GSE1: variants seen among roughly 807,000 people sequenced by gnomAD.
The protein encoded by GSE1 is genetic suppressor element 1.
Under a neutral mutation model 112.6 loss-of-function variants are expected in GSE1, and 32 were observed. The observed-to-expected ratio is 0.28, with a 90% CI of 0.21 to 0.38. GSE1 has a LOEUF of 0.38. GSE1 is among the 10% of genes least tolerant of loss of function. GSE1 has a pLI of 1.00. For missense variants in GSE1, 2,348 were observed against 1,699.2 expected, an observed-to-expected ratio of 1.38 and a Z score of -6.71; for synonymous variants, 1,115 against 735.6, an observed-to-expected ratio of 1.52 and a Z score of -8.35.
chr16:85,345,944 T>C, intron 1 of GSE1, among the ~76,000 whole-genome samples: 1 of 151,034 alleles, frequency 6.6e-6, no homozygotes. Flanking sequence ...GATAGATAGA[T>C]GGTGGACACA....
chr16:85,578,138 A>G (rs1205344801), intron 1 of GSE1, among the ~76,000 whole-genome samples: 2 of 152,228 alleles, frequency 1.3e-5, no homozygotes, highest in Admixed American at 1.3e-4. Context: ...AGCAGGCTGG[A>G]GGAGATTGGC....
At chr16:85,573,451 G>A (rs917890602) in intron 1 of GSE1, among the ~76,000 whole-genome samples, 1 of 152,170 alleles carries the variant, frequency 6.6e-6, no homozygotes, top group African/African-American at 2.4e-5. Flanking sequence ...TTGTGTGTCT[G>A]TATGTTTTCA....
intron 1 of GSE1, among the ~76,000 whole-genome samples, chr16:85,276,199 G>A (rs980703573): frequency 6.6e-6 from 1 of 152,252 alleles, no homozygotes; most frequent in Non-Finnish European, 1.5e-5. Flanking sequence ...GCCTTGCGGC[G>A]CAGCTGGAAG....
chr16:85,400,001 ACAG>A (rs1298141949), intron 2 of GSE1, among the ~76,000 whole-genome samples: 2 of 152,324 alleles, frequency 1.3e-5, no homozygotes, highest in Non-Finnish European at 2.9e-5. Flanking sequence ...CACTGGGCGC[ACAG>A]CAGCCCCTGA....
chr16:85,259,817 A>G (rs34111594), intron 1 of GSE1, among the ~76,000 whole-genome samples: 21,854 of 152,166 alleles, frequency 0.14, 1,665 homozygotes, highest in African/African-American at 0.17. Flanking sequence ...CGCATGGGGC[A>G]TGGCACTGAG....
chr16:85,172,698 C>T (rs1052531638), intron 1 of GSE1, among the ~76,000 whole-genome samples: 51 of 152,216 alleles, frequency 3.4e-4, no homozygotes, highest in African/African-American at 1.2e-3. Context: ...TTTAATCAAA[C>T]GCCTGTAGTG....
chr16:85,553,861 G>C (rs2045061555), upstream of GSE1, among the ~76,000 whole-genome samples: 1 of 152,190 alleles, frequency 6.6e-6, no homozygotes. Flanking sequence ...ACTGTCATTT[G>C]AAGCCGCTGC....
chr16:85,236,641 G>A (rs1488305353), intron 1 of GSE1, among the ~76,000 whole-genome samples: 6 of 152,194 alleles, frequency 3.9e-5, no homozygotes, highest in African/African-American at 9.7e-5. Flanking sequence ...GGTCCCAACA[G>A]CCTGTATTTC....
chr16:85,426,685 G>T (rs929723457), intron 2 of GSE1, among the ~76,000 whole-genome samples: 1 of 82,586 alleles, frequency 1.2e-5, no homozygotes, highest in Non-Finnish European at 3.3e-5. Flanking sequence ...AAGAAGGGAG[G>T]ATGGGTAGAT....
intron 1 of GSE1, among the ~76,000 whole-genome samples, chr16:85,204,134 C>T (rs952961007): frequency 6.6e-6 from 1 of 152,186 alleles, no homozygotes; most frequent in Non-Finnish European, 1.5e-5. Context: ...CCCCATTCCC[C>T]GTTCCCCTCA....
At chr16:85,383,694 G>A (rs1442624858) in intron 2 of GSE1, among the ~76,000 whole-genome samples, 2 of 152,170 alleles carry the variant, frequency 1.3e-5, no homozygotes, top group Non-Finnish European at 2.9e-5. Flanking sequence ...CTGTCCACTT[G>A]GGGAGGGGAG....
At chr16:85,248,008 T>C (rs1240574013) in intron 1 of GSE1, among the ~76,000 whole-genome samples, 1 of 152,196 alleles carries the variant, frequency 6.6e-6, no homozygotes, top group Non-Finnish European at 1.5e-5. Context: ...CAGCTAGGGG[T>C]GACCCTGGCT....
At chr16:85,539,573 T>C (rs1267863640) in intron 2 of GSE1, among the ~76,000 whole-genome samples, 1 of 152,164 alleles carries the variant, frequency 6.6e-6, no homozygotes, top group Non-Finnish European at 1.5e-5. Context: ...GCCTAAAGGA[T>C]TCAGCTTTTT....
intron 2 of GSE1, among the ~76,000 whole-genome samples, chr16:85,438,610 G>C (rs1296947533): frequency 1.3e-5 from 2 of 152,218 alleles, no homozygotes; most frequent in African/African-American, 4.8e-5. Flanking sequence ...GCTCGGAAGG[G>C]AGTCACCAGA....
chr16:85,290,388 T>C (rs570365612), intron 1 of GSE1, among the ~76,000 whole-genome samples: 50 of 152,310 alleles, frequency 3.3e-4, no homozygotes, highest in African/African-American at 1.1e-3. Context: ...CTCCGTTCCA[T>C]TGGGTACTGA....
At chr16:85,583,169 C>T (rs963214480) in intron 1 of GSE1, among the ~76,000 whole-genome samples, 1 of 152,130 alleles carries the variant, frequency 6.6e-6, no homozygotes, top group African/African-American at 2.4e-5. Context: ...TCTTTGATTC[C>T]AACCCTGTTC....
intron 2 of GSE1, among the ~76,000 whole-genome samples, chr16:85,510,291 C>A (rs754106650): frequency 1.4e-4 from 21 of 152,228 alleles, no homozygotes; most frequent in Non-Finnish European, 2.4e-4. Context: ...CTGTGTGAGG[C>A]CCAGCACGAA....
intron 2 of GSE1, among the ~76,000 whole-genome samples, chr16:85,514,929 G>T (rs935857521): frequency 6.6e-6 from 1 of 152,192 alleles, no homozygotes. Context: ...GTGTGTGTGG[G>T]CATGTATTTG....
intron 2 of GSE1, among the ~76,000 whole-genome samples, chr16:85,539,733 G>C (rs1207374769): frequency 6.6e-6 from 1 of 152,146 alleles, no homozygotes; most frequent in East Asian, 1.9e-4. Flanking sequence ...TCACCTATCT[G>C]CTCACTGACT....
Sources: allele counts gnomAD v4.1 joint callset (sites outside exome capture counted in the v4.1 genomes callset), GRCh38; gene constraint gnomAD v4.1.1; transcripts MANE v1.5; gene names NCBI Gene and HGNC (gene_info 2026-07-23, HGNC 2026-07-21).